The following CAMTA1 variants were observed in gnomAD, a reference collection of about 807,000 sequenced individuals.
CAMTA1 encodes calmodulin binding transcription activator 1.
Under a neutral mutation model 170.9 loss-of-function variants are expected in CAMTA1, and 27 were observed. The ratio of observed to expected loss-of-function variants is 0.16; its 90% CI spans 0.12 to 0.22. The LOEUF (loss-of-function observed/expected upper bound fraction) is 0.22, where lower values mean the gene tolerates loss of function less well. CAMTA1 is among the 10% of genes least tolerant of loss of function. CAMTA1 has a pLI of 1.00. For synonymous variants in CAMTA1, 833 were observed against 891.5 expected (o/e 0.93, Z 1.17); for missense variants, 1,619 against 2,217.2 (o/e 0.73, Z 5.42).
intron 6 of CAMTA1, among the ~76,000 whole-genome samples, chr1:7,589,453 T>C (rs559286238): frequency 6.6e-6 from 1 of 152,198 alleles, no homozygotes; most frequent in African/African-American, 2.4e-5. Flanking sequence ...GACTGTGGGA[T>C]GCTTGGGGAC....
At chr1:7,354,917 C>A (rs1478312796) in intron 5 of CAMTA1, among the ~76,000 whole-genome samples, 1 of 152,032 alleles carries the variant, frequency 6.6e-6, no homozygotes, top group African/African-American at 2.4e-5. Flanking sequence ...TTGTCTTCAT[C>A]TGGGCTGGGT....
chr1:6,983,206 T>C (rs1443355966), intron 3 of CAMTA1, among the ~76,000 whole-genome samples: 1 of 152,198 alleles, frequency 6.6e-6, no homozygotes, highest in Non-Finnish European at 1.5e-5. Flanking sequence ...CGGGGAACCT[T>C]ACATTCCTGG....
In CAMTA1 at chr1:7,635,020, T is replaced by C. The variant is rs2095699944; in HGVS notation, c.511-5380T>C. ...ACTTCTCTGAGACTTTTACTTATCC[T>C]TGGCTTCCTCTACCACCACCACAGT... On this transcript the variant is annotated intron_variant, in intron 6 of 22. Transcript: ENST00000303635. The surrounding 1 kb of genome is among the most constrained non-coding windows in gnomAD (Gnocchi z 4.4). Among the ~76,000 whole-genome samples the C allele has an allele frequency of 6.6e-6, 1 of 152,184 alleles. No homozygotes were observed. The highest frequency in any genetic ancestry group is 2.1e-4 in the South Asian group (1 of 4,828).
intron 3 of CAMTA1, among the ~76,000 whole-genome samples, chr1:6,947,600 C>T (rs1028708665): frequency 7.3e-5 from 11 of 150,492 alleles, no homozygotes; most frequent in Admixed American, 1.3e-4. Context: ...CCAGGCTGGT[C>T]TTGAACTCCT....
intron 5 of CAMTA1, among the ~76,000 whole-genome samples, chr1:7,442,353 C>T (rs1416674198): frequency 6.6e-6 from 1 of 152,156 alleles, no homozygotes; most frequent in Non-Finnish European, 1.5e-5. Context: ...TGGGGGCTTT[C>T]GCTGTGGGCA....
intron 4 of CAMTA1, among the ~76,000 whole-genome samples, chr1:7,104,253 A>C (rs775532394): frequency 1.1e-4 from 5 of 45,052 alleles, no homozygotes; most frequent in Non-Finnish European, 2.0e-4. Flanking sequence ...CACAACACAC[A>C]TACACACAAC....
chr1:6,961,295 A>T (rs1690354624), intron 3 of CAMTA1, among the ~76,000 whole-genome samples: 1 of 152,176 alleles, frequency 6.6e-6, no homozygotes, highest in African/African-American at 2.4e-5. Flanking sequence ...GCACGCTGGA[A>T]GGAAGGGCTT....
chr1:7,553,280 T>G (rs2150197890), intron 6 of CAMTA1, among the ~76,000 whole-genome samples: 1 of 139,664 alleles, frequency 7.2e-6, no homozygotes, highest in Non-Finnish European at 1.6e-5. Flanking sequence ...ATTGAGTGAG[T>G]GAATGAATGA....
intron 4 of CAMTA1, among the ~76,000 whole-genome samples, chr1:7,114,267 G>A (rs1226181018): frequency 6.6e-6 from 1 of 152,100 alleles, no homozygotes; most frequent in Non-Finnish European, 1.5e-5. Context: ...CCCTGTATTA[G>A]TCAGGGTTCT....
chr1:7,260,140 C>T (rs888612730), intron 5 of CAMTA1, among the ~76,000 whole-genome samples: 3 of 152,096 alleles, frequency 2.0e-5, no homozygotes, highest in African/African-American at 7.2e-5. Context: ...GGCTGTGTTC[C>T]AATAAAACTT....
At chr1:7,114,229 G>A (rs1392502217) in intron 4 of CAMTA1, among the ~76,000 whole-genome samples, 1 of 152,144 alleles carries the variant, frequency 6.6e-6, no homozygotes, top group Non-Finnish European at 1.5e-5. Flanking sequence ...CAGTGGGAGG[G>A]AAGGCACCAC....
chr1:7,648,024 G>A (rs1273445156), intron 7 of CAMTA1, among the ~76,000 whole-genome samples: 1 of 152,194 alleles, frequency 6.6e-6, no homozygotes, highest in Non-Finnish European at 1.5e-5. Context: ...GTTCAGGGCT[G>A]CAGTGAGCTG....
intron 3 of CAMTA1, among the ~76,000 whole-genome samples, chr1:6,898,867 A>G (rs1450525841): frequency 6.6e-6 from 1 of 152,058 alleles, no homozygotes; most frequent in Admixed American, 6.6e-5. Flanking sequence ...GCTGGCCAAC[A>G]TGGGGCCCCC....
chr1:6,876,618 C>T (rs1163876015), intron 3 of CAMTA1, among the ~76,000 whole-genome samples: 1 of 152,182 alleles, frequency 6.6e-6, no homozygotes, highest in Non-Finnish European at 1.5e-5. Flanking sequence ...CCGCCTCGGC[C>T]TCCTAGAGTG....
intron 3 of CAMTA1, 59 bp downstream of exon 3, chr1:6,825,269 C>A: frequency 1.3e-6 from 1 of 799,724 alleles, no homozygotes; most frequent in East Asian, 2.5e-5. Context: ...TTTTAGGTTG[C>A]TTCACATAGT....
intron 7 of CAMTA1, among the ~76,000 whole-genome samples, chr1:7,658,382 G>A (rs769949212): frequency 4.6e-5 from 7 of 152,056 alleles, no homozygotes; most frequent in South Asian, 2.1e-4. Flanking sequence ...CCATCCTAAC[G>A]GCACGTGAGG....
At chr1:7,661,943 C>T (rs576188270) in intron 8 of CAMTA1, 77 bp downstream of exon 8, 58 of 1,487,828 alleles carry the variant, frequency 3.9e-5, no homozygotes, top group South Asian at 3.2e-4. Context: ...TGGCTGTCCT[C>T]TGTGGGAGTA....
intron 3 of CAMTA1, among the ~76,000 whole-genome samples, chr1:7,077,887 C>T (rs944955646): frequency 6.6e-6 from 1 of 151,972 alleles, no homozygotes; most frequent in African/African-American, 2.4e-5. Flanking sequence ...GACTTACGAC[C>T]CATTTCCAAA....
At position 7,592,129 on chromosome 1, in the gene CAMTA1, C is replaced by T. The variant is rs565187284; in HGVS notation, c.511-48271C>T. Among the ~76,000 whole-genome samples the T allele has an allele frequency of 3.3e-5, 5 of 152,098 alleles. No individual in the cohort carries two copies. Among genetic ancestry groups the T allele is most frequent in the Non-Finnish European group, 5.9e-5 (4 of 68,024 alleles). On this transcript the variant is annotated intron_variant, in intron 6 of 22. Coordinates refer to ENST00000303635, the MANE Select transcript of CAMTA1 (RefSeq NM_015215.4). This position sits in a 1 kb window ranked among gnomAD's most constrained non-coding sequence, Gnocchi z 4.6. The stretch of plus-strand genomic sequence containing the variant: ...GGCCAGGCTGGTCTCGAACTCCTGA[C>T]CTCAGATGATCTGCCCGCCTCAACC...
Sources: allele counts gnomAD v4.1 joint callset (sites outside exome capture counted in the v4.1 genomes callset), GRCh38; gene constraint gnomAD v4.1.1; non-coding constraint Gnocchi (gnomAD v3.1); transcripts MANE v1.5; gene names NCBI Gene and HGNC (gene_info 2026-07-23, HGNC 2026-07-21).